The following EIF2AK4 variants were observed in gnomAD, a reference collection of about 807,000 sequenced individuals.
EIF2AK4 encodes eIF-2-alpha kinase GCN2.
In EIF2AK4, 139 loss-of-function variants were observed where a neutral mutation model predicts 211.1. That is an observed-to-expected ratio of 0.66 (90% CI 0.57 to 0.76). EIF2AK4 has a LOEUF of 0.76. Ranked by LOEUF, EIF2AK4 falls within the 30% of genes least tolerant of loss-of-function variation. EIF2AK4 has a pLI of 0.00. For missense variants in EIF2AK4, 1,664 were observed against 2,043.8 expected (o/e 0.81, Z 3.58); for synonymous variants, 710 against 751.3 (o/e 0.94, Z 0.90).
chr15:39,972,830 C>A, intron 9 of EIF2AK4, 78 bp from the exon 10 acceptor site: 1 of 1,089,538 alleles, frequency 9.2e-7, no homozygotes, highest in South Asian at 1.3e-5. Context: ...AAAAATAAAC[C>A]CATAGTTAAT....
intron 5 of EIF2AK4, 37 bp downstream of exon 5, chr15:39,954,021 G>T: frequency 2.6e-6 from 4 of 1,511,938 alleles, no homozygotes; most frequent in Middle Eastern, 1.7e-4. Context: ...TTTACATTTT[G>T]CAAAACAAAG....
chr15:39,976,386 G>A (rs1373561126), intron 11 of EIF2AK4, 28 bp from the exon 12 acceptor site: 1 of 1,562,434 alleles, frequency 6.4e-7, no homozygotes, highest in Non-Finnish European at 8.7e-7. Context: ...GGCTCCGAGC[G>A]GCTGACCTTC....
At chr15:39,948,898 A>G (rs1160541712) in intron 3 of EIF2AK4, among the ~76,000 whole-genome samples, 1 of 152,200 alleles carries the variant, frequency 6.6e-6, no homozygotes, top group Non-Finnish European at 1.5e-5. Context: ...CTAGGTAATG[A>G]TCTGTCTTGA....
intron 13 of EIF2AK4, among the ~76,000 whole-genome samples, chr15:39,980,232 T>G (rs2140921128): frequency 6.6e-6 from 1 of 152,340 alleles, no homozygotes; most frequent in East Asian, 1.9e-4. Context: ...CGCTTACCCT[T>G]TCTCTGAAGT....
intron 3 of EIF2AK4, among the ~76,000 whole-genome samples, chr15:39,945,419 G>A (rs2034213907): frequency 6.6e-6 from 1 of 152,178 alleles, no homozygotes; most frequent in Non-Finnish European, 1.5e-5. Flanking sequence ...CTGGATCAAG[G>A]CCCTAACTCT....
intron 3 of EIF2AK4, among the ~76,000 whole-genome samples, chr15:39,945,726 A>C (rs1338046033): frequency 6.6e-6 from 1 of 152,234 alleles, no homozygotes; most frequent in Non-Finnish European, 1.5e-5. Context: ...TCAAAGCCTT[A>C]TGAAAGGACA....
intron 14 of EIF2AK4, 22 bp downstream of exon 14, chr15:39,985,910 A>C: frequency 6.2e-7 from 1 of 1,608,356 alleles, no homozygotes; most frequent in African/African-American, 1.3e-5. Flanking sequence ...GTGTGTAGTT[A>C]GGTGACACAG....
At chr15:39,937,106 A>G (rs2034076059) in intron 1 of EIF2AK4, among the ~76,000 whole-genome samples, 1 of 152,240 alleles carries the variant, frequency 6.6e-6, no homozygotes, top group Non-Finnish European at 1.5e-5. Context: ...TAATTTATAG[A>G]TAGTTACAAA....
At chr15:40,028,314 A>C (rs947957063) in intron 33 of EIF2AK4, among the ~76,000 whole-genome samples, 22 of 150,734 alleles carry the variant, frequency 1.5e-4, no homozygotes, top group African/African-American at 5.4e-4. Context: ...GACTCAAGCA[A>C]CTCTCCCGCC....
rs1047574 is a variant in EIF2AK4, at chr15:40,035,489, A to T, written c.*405A>T. The stretch of plus-strand genomic sequence containing the variant: ...TCTTAAAAAAAAAAAGAAAAAAAAA[A>T]TTTTTTTCTAAGAAGCTGTCCTACA... On this transcript the variant is annotated 3_prime_UTR_variant, in exon 39 of 39. Coordinates refer to ENST00000263791, the MANE Select transcript of EIF2AK4 (RefSeq NM_001013703.4). 0.72 allele frequency: 110,147 copies of T among 152,174 alleles called. 39,978 individuals carry two copies. Among genetic ancestry groups the T allele is most frequent in the South Asian group, 0.81 (3,927 of 4,846 alleles). 9.4% of individuals were successfully genotyped at this position (152,174 alleles called of 1,614,324 possible). A position where few individuals can be genotyped will look rare whatever the true frequency, so the allele number is the denominator to read the frequency against.
chr15:39,944,655 A>C (rs568264760), intron 3 of EIF2AK4, among the ~76,000 whole-genome samples: 1 of 151,904 alleles, frequency 6.6e-6, no homozygotes, highest in Non-Finnish European at 1.5e-5. Flanking sequence ...GGATGGTCTC[A>C]ATCTCCTGAC....
At chr15:39,968,456 G>A (rs1368257479) in intron 9 of EIF2AK4, among the ~76,000 whole-genome samples, 4 of 152,194 alleles carry the variant, frequency 2.6e-5, no homozygotes, top group Non-Finnish European at 5.9e-5. Context: ...TCAGGCCTAA[G>A]ATGTTTGTCC....
chr15:39,955,516 T>G, intron 5 of EIF2AK4, 104 bp from the exon 6 acceptor site: 2 of 1,153,722 alleles, frequency 1.7e-6, no homozygotes, highest in Non-Finnish European at 2.4e-6. Flanking sequence ...CTTGTAAACA[T>G]TCAGCTTAAA....
At chr15:40,023,273 A>G (rs1396533478) in intron 32 of EIF2AK4, among the ~76,000 whole-genome samples, 2 of 152,240 alleles carry the variant, frequency 1.3e-5, no homozygotes, top group Admixed American at 1.3e-4. Context: ...GTTCATAAAT[A>G]TACCACCTCA....
chr15:40,032,265 G>A, intron 36 of EIF2AK4, 28 bp downstream of exon 36: 1 of 1,601,584 alleles, frequency 6.2e-7, no homozygotes. Context: ...GTATTTTGAA[G>A]GTGGCTTCTG....
rs750973969 is a variant in EIF2AK4, at chr15:39,976,705, A to G, written c.2110A>G (p.Ile704Val). 12 of 1,601,876 alleles carry G rather than the reference A, an allele frequency of 7.5e-6. No homozygotes were observed. The highest frequency in any genetic ancestry group is 1.0e-5 in the Non-Finnish European group (12 of 1,177,464). The change falls in exon 12 of 39, where the codon ATC (isoleucine) becomes GTC (valine). Residue 704 changes from isoleucine to valine, a missense_variant. Coordinates refer to ENST00000263791, the MANE Select transcript of EIF2AK4 (RefSeq NM_001013703.4). ...CGTAGAGGCCGCCGCGCCGCCACCC[A>G]TCCTCAGCAGCTCGGTGGAGTGGAG... ...DSVEAAAPPP[I>V]LSSSVEWSTS...
In EIF2AK4 at chr15:39,961,819, A is replaced by T; in HGVS notation, c.779A>T (p.Asp260Val). ...ERQYSVCNSE[D>V]SPGSCEILYF... Reference sequence around the variant, plus strand: ...CAGTATTCTGTATGTAATAGTGAAGATTCTCCTGGCTCTTGTGAAATTCTG... The same window carrying T: ...CAGTATTCTGTATGTAATAGTGAAGTTTCTCCTGGCTCTTGTGAAATTCTG... The change falls in exon 7 of 39, where the codon GAT becomes GTT. Residue 260 changes from aspartate to valine, a missense_variant. By Grantham distance (152) the Asp-to-Val change is radical. Transcript: ENST00000263791. The T allele has an allele frequency of 6.2e-7, 1 of 1,614,144 alleles. No homozygotes were observed. The highest frequency in any genetic ancestry group is 8.5e-7 in the Non-Finnish European group (1 of 1,179,992).
At chr15:40,011,234 G>T in intron 26 of EIF2AK4, 47 bp from the exon 27 acceptor site, 1 of 1,527,126 alleles carries the variant, frequency 6.5e-7, no homozygotes, top group Non-Finnish European at 9.1e-7. Context: ...GTCTTGTTCA[G>T]TGCCAGATTT....
chr15:40,018,203 C>G (rs1307013548), intron 29 of EIF2AK4, among the ~76,000 whole-genome samples: 5 of 152,072 alleles, frequency 3.3e-5, no homozygotes, highest in African/African-American at 7.2e-5. Context: ...GTATTTACCC[C>G]AAATTTCTGG....
Sources: gnomAD v4.1 joint callset for allele counts (sites outside exome capture counted in the v4.1 genomes callset) on GRCh38, gnomAD v4.1.1 for gene constraint, MANE v1.5 for transcripts, NCBI Gene and HGNC (gene_info 2026-07-23, HGNC 2026-07-21) for gene names.